RP1: variants seen among roughly 807,000 people sequenced by gnomAD.
RP1 encodes the protein RP1 axonemal microtubule associated.
In RP1, 16 loss-of-function variants were observed where a neutral mutation model predicts 14.8. The ratio of observed to expected loss-of-function variants is 1.08; its 90% CI spans 0.73 to 1.65. The LOEUF is 1.65. Ranked by LOEUF, RP1 falls within the 40% of genes most tolerant of loss-of-function variation. The pLI, the probability that RP1 is intolerant of heterozygous loss-of-function variation, is 0.00. For missense variants in RP1, 2,631 were observed against 2,535.0 expected, an observed-to-expected ratio of 1.04 and a Z score of -0.81; for synonymous variants, 876 against 883.6, an observed-to-expected ratio of 0.99 and a Z score of 0.15.
Position 54,824,230 on chromosome 8 carries a change from C to A in RP1, c.3616-13220C>A, listed in dbSNP as rs1811330250. 2.6e-5 allele frequency among the ~76,000 whole-genome samples: 4 copies of A among 152,022 alleles called. No homozygotes were observed. The South Asian group carries it at 8.3e-4, about 32-fold the overall frequency. ...ATATTAGAAATGAAACAGAGGTTAT[C>A]ACTATAGATATTGCAGACGTTGAAA... On this transcript the variant is annotated intron_variant, in intron 24 of 28. Transcript: ENST00000637698.
In RP1 at chr8:54,859,561, G is replaced by A. The variant is rs544649919; in HGVS notation, c.4069+2455G>A. Among the ~76,000 whole-genome samples, 11 of 150,976 alleles carry A rather than the reference G, an allele frequency of 7.3e-5. 1 individual carries two copies. The highest frequency in any genetic ancestry group is 1.5e-4 in the Non-Finnish European group (10 of 67,722). On this transcript the variant is annotated intron_variant, in intron 27 of 28. Transcript: ENST00000637698. ...CTGTAGAGCAGTGTCACTGTAGGTG[G>A]TGTCACTGTAGGGTAGTGTCACTGT...
intron 15 of RP1, among the ~76,000 whole-genome samples, chr8:54,712,477 G>A (rs1017855044): frequency 6.6e-6 from 1 of 152,148 alleles, no homozygotes; most frequent in Non-Finnish European, 1.5e-5. Flanking sequence ...CTGAACATCA[G>A]GGTTCTCCTG....
chr8:54,785,553 A>T (rs73603088), intron 24 of RP1, among the ~76,000 whole-genome samples: 2,196 of 152,196 alleles, frequency 0.014, 56 homozygotes, highest in African/African-American at 0.049. Flanking sequence ...ACTTGGGTAT[A>T]TACCTAGGAG....
chr8:54,750,247 CAT>C lies in RP1; in HGVS notation c.2809-4555_2809-4554del, dbSNP rs527793922. On this transcript the variant is annotated intron_variant, in intron 19 of 22. Coordinates refer to the RP1 transcript ENST00000636932. ...TACTATTATTACTAAAAACAATAAACATGTGTTGAGCACTCAGGGTATACCTG... is the reference window on the plus strand; with the variant it reads ...TACTATTATTACTAAAAACAATAAACGTGTTGAGCACTCAGGGTATACCTG... Among the ~76,000 whole-genome samples the C allele has an allele frequency of 3.3e-5, 5 of 152,250 alleles. No individual in the cohort carries two copies. In the South Asian group the frequency reaches 8.3e-4, roughly 25 times the overall value.
exon 29 of RP1, chr8:54,870,609 T>A (rs1240743859): frequency 6.6e-6 from 1 of 152,138 alleles, no homozygotes; most frequent in Non-Finnish European, 1.5e-5. Flanking sequence ...CTCACATCCA[T>A]CGGTCACTTT....
intron 1 of RP1, among the ~76,000 whole-genome samples, chr8:54,571,725 A>G (rs7818244): frequency 0.42 from 63,874 of 152,012 alleles, 13,606 homozygotes; most frequent in East Asian, 0.52. Flanking sequence ...AGGTATCAGC[A>G]GGGTTGGTTC....
intron 12 of RP1, chr8:54,697,249 AGGGTC>A: frequency 2.3e-5 from 14 of 603,610 alleles, no homozygotes; most frequent in Admixed American, 1.0e-4. Context: ...CTGGAAAGGA[AGGGTC>A]AAAAAAAAGA....
At chr8:54,602,579 A>G (rs1805318763) in intron 1 of RP1, among the ~76,000 whole-genome samples, 1 of 152,152 alleles carries the variant, frequency 6.6e-6, no homozygotes, top group Non-Finnish European at 1.5e-5. Flanking sequence ...GTCAAATGGT[A>G]TTTCTAGTTC....
In RP1 at chr8:54,818,294, T is replaced by C. The variant is rs1395723548; in HGVS notation, c.3616-19156T>C. Among the ~76,000 whole-genome samples the C allele has an allele frequency of 2.0e-5, 3 of 152,254 alleles. No individual in the cohort carries two copies. The East Asian group carries it at 5.8e-4, about 29-fold the overall frequency. On this transcript the variant is annotated intron_variant, in intron 24 of 28. Transcript: ENST00000637698. ...TTCCTCAACTGTGAAATGGATTCAA[T>C]AAATAGTGTCTTTGCAAAAATGCAA...
intron 17 of RP1, among the ~76,000 whole-genome samples, chr8:54,733,054 G>A (rs558631800): frequency 2.6e-5 from 4 of 152,168 alleles, no homozygotes; most frequent in Non-Finnish European, 5.9e-5. Context: ...TTAGGGTAGT[G>A]TGCAGCGCAG....
chr8:54,645,337 T>G (rs547197987), intron 3 of RP1, among the ~76,000 whole-genome samples: 1 of 152,348 alleles, frequency 6.6e-6, no homozygotes, highest in East Asian at 1.9e-4. Context: ...TCACATTTCC[T>G]CTGGTTATGC....
chr8:54,701,692 A>T (rs1314898091), intron 14 of RP1: 1 of 1,524,910 alleles, frequency 6.6e-7, no homozygotes, highest in East Asian at 2.5e-5. Flanking sequence ...TAAAGTTTAT[A>T]TTGCTAAATC....
chr8:54,724,667 C>T (rs1014034103), intron 16 of RP1, among the ~76,000 whole-genome samples: 11 of 152,094 alleles, frequency 7.2e-5, no homozygotes, highest in African/African-American at 2.7e-4. Flanking sequence ...CACTTTGGTA[C>T]TTGGCTTTTG....
intron 3 of RP1, among the ~76,000 whole-genome samples, chr8:54,637,291 G>A (rs1806368804): frequency 6.6e-6 from 1 of 152,160 alleles, no homozygotes; most frequent in African/African-American, 2.4e-5. Context: ...TTAGGAAAGG[G>A]GTCCACAGTG....
intron 23 of RP1, among the ~76,000 whole-genome samples, chr8:54,777,755 C>G (rs1173498526): frequency 1.3e-5 from 2 of 152,076 alleles, no homozygotes; most frequent in African/African-American, 4.8e-5. Context: ...TTAGAATAAT[C>G]TGTCTTGTTT....
At chr8:54,862,394 A>G (rs1812361562) in intron 27 of RP1, among the ~76,000 whole-genome samples, 1 of 152,094 alleles carries the variant, frequency 6.6e-6, no homozygotes. Context: ...CCTAATTTGC[A>G]TTACCCTGAT....
chr8:54,705,875 A>G (rs924890758), intron 14 of RP1, among the ~76,000 whole-genome samples: 1 of 144,212 alleles, frequency 6.9e-6, no homozygotes, highest in African/African-American at 2.6e-5. Flanking sequence ...TTTGTTCACC[A>G]TTTGTATTTT....
At chr8:54,848,893 C>T (rs1477601519) in intron 25 of RP1, among the ~76,000 whole-genome samples, 1 of 152,064 alleles carries the variant, frequency 6.6e-6, no homozygotes, top group Non-Finnish European at 1.5e-5. Flanking sequence ...AGATTACAGG[C>T]GCCTGCCACC....
chr8:54,562,952 C>G (rs547163716), intron 1 of RP1, among the ~76,000 whole-genome samples: 1 of 152,278 alleles, frequency 6.6e-6, no homozygotes, highest in African/African-American at 2.4e-5. Flanking sequence ...TGCTGGTCAA[C>G]CAGGCAGGCC....
Sources: gnomAD v4.1 joint callset for allele counts (sites outside exome capture counted in the v4.1 genomes callset) on GRCh38, gnomAD v4.1.1 for gene constraint, MANE v1.5 for transcripts, NCBI Gene and HGNC (gene_info 2026-07-23, HGNC 2026-07-21) for gene names.